Variants in UBP1 observed in about 807,000 individuals in gnomAD.
UBP1 encodes upstream binding protein 1.
A neutral mutation model predicts 76.1 loss-of-function variants in UBP1; 22 were observed. The ratio of observed to expected loss-of-function variants is 0.29; its 90% CI spans 0.21 to 0.41. The LOEUF is 0.41. UBP1 is among the 10% of genes least tolerant of loss of function. The probability of loss-of-function intolerance (pLI) is 1.00; values close to 1 mark genes in which losing one functional copy is unlikely to be tolerated. For synonymous variants in UBP1, 224 were observed against 237.1 expected (o/e 0.94, Z 0.51); for missense variants, 436 against 668.1 (o/e 0.65, Z 3.83).
At chr3:33,426,037 ATAGC>A (rs2045011330) in intron 1 of UBP1, among the ~76,000 whole-genome samples, 1 of 85,690 alleles carries the variant, frequency 1.2e-5, no homozygotes, top group Admixed American at 1.8e-4. Context: ...ATATATATAT[ATAGC>A]ACTTTAAAAA....
intron 1 of UBP1, among the ~76,000 whole-genome samples, chr3:33,433,403 C>T (rs1053465947): frequency 4.7e-5 from 7 of 149,156 alleles, no homozygotes; most frequent in South Asian, 2.1e-4. Context: ...TACCATAGGC[C>T]GGGCACCGTG....
chr3:33,396,472 A>G (rs2044000603), intron 12 of UBP1, 192 bp from the exon 13 acceptor site: 1 of 513,746 alleles, frequency 1.9e-6, no homozygotes, highest in African/African-American at 1.9e-5. Context: ...AGGTGGTCTA[A>G]TATGATGATC....
chr3:33,401,570 T>C (rs2044230032), intron 9 of UBP1, among the ~76,000 whole-genome samples: 3 of 152,176 alleles, frequency 2.0e-5, no homozygotes, highest in Non-Finnish European at 4.4e-5. Context: ...GAAAAACAGC[T>C]CCACAGGGAA....
intron 3 of UBP1, 50 bp from the exon 4 acceptor site, chr3:33,412,877 A>G (rs763944536): frequency 5.9e-6 from 7 of 1,184,962 alleles, no homozygotes; most frequent in Middle Eastern, 1.9e-4. Context: ...TCCAGCTAAA[A>G]TGCAGGACCA....
At chr3:33,405,795 T>C (rs1295981983) in intron 8 of UBP1, among the ~76,000 whole-genome samples, 2 of 152,136 alleles carry the variant, frequency 1.3e-5, no homozygotes, top group Non-Finnish European at 2.9e-5. Context: ...AGTAGGTAAG[T>C]GTCAAGACCA....
chr3:33,430,633 A>T (rs1349854259), intron 1 of UBP1, among the ~76,000 whole-genome samples: 4 of 152,340 alleles, frequency 2.6e-5, no homozygotes, highest in African/African-American at 9.6e-5. Flanking sequence ...TGAAAACTAC[A>T]TATAGAAGAA....
At chr3:33,400,308 A>G in intron 10 of UBP1, 26 bp from the exon 11 acceptor site, 1 of 1,549,482 alleles carries the variant, frequency 6.5e-7, no homozygotes, top group Non-Finnish European at 8.8e-7. Context: ...ATGAACATAA[A>G]TAAAAGGAAC....
intron 8 of UBP1, among the ~76,000 whole-genome samples, chr3:33,406,591 A>C (rs2044433556): frequency 6.6e-6 from 1 of 152,258 alleles, no homozygotes; most frequent in Non-Finnish European, 1.5e-5. Context: ...TGGCAGAGTA[A>C]TGTAGAAACA....
chr3:33,394,222 T>C (rs1341526058), intron 13 of UBP1, among the ~76,000 whole-genome samples: 1 of 146,214 alleles, frequency 6.8e-6, no homozygotes, highest in African/African-American at 2.6e-5. Flanking sequence ...ATTATTATTA[T>C]TATTTGTAGA....
At chr3:33,398,186 T>C (rs1417976403) in intron 11 of UBP1, 2 of 152,364 alleles carry the variant, frequency 1.3e-5, no homozygotes, top group South Asian at 2.1e-4. Flanking sequence ...AAGATGAACT[T>C]TGGGATGAAG....
chr3:33,406,588 G>A (rs2044433433), intron 8 of UBP1, among the ~76,000 whole-genome samples: 1 of 152,214 alleles, frequency 6.6e-6, no homozygotes, highest in Admixed American at 6.5e-5. Flanking sequence ...GCATGGCAGA[G>A]TAATGTAGAA....
intron 13 of UBP1, among the ~76,000 whole-genome samples, chr3:33,395,759 A>G (rs1467552974): frequency 6.6e-6 from 1 of 150,376 alleles, no homozygotes; most frequent in Non-Finnish European, 1.5e-5. Flanking sequence ...TGAAAAAAAA[A>G]AAAAAAAAAA....
rs1404493647 is a variant in UBP1, at chr3:33,389,489, G to C, written c.*842C>G. 1 of 151,182 alleles carries C rather than the reference G, an allele frequency of 6.6e-6. No individual in the cohort carries two copies. The highest frequency in any genetic ancestry group is 1.5e-5 in the Non-Finnish European group (1 of 67,834). The allele number at this position is 151,182 out of a possible 1,614,324, so 9.4% of individuals were successfully genotyped here. A position where few individuals can be genotyped will look rare whatever the true frequency, so the allele number is the denominator to read the frequency against. On this transcript the variant is annotated 3_prime_UTR_variant, in exon 16 of 16. Coordinates refer to ENST00000283629, the MANE Select transcript of UBP1 (RefSeq NM_014517.5). The stretch of plus-strand genomic sequence containing the variant: ...ATGGTGGGGGTGGGGGGTTAGGGTG[G>C]GGGTGGTCAGAGATGGAGGGAGAGA...
chr3:33,413,536 G>A (rs2044647438), intron 3 of UBP1, among the ~76,000 whole-genome samples: 1 of 119,242 alleles, frequency 8.4e-6, no homozygotes, highest in African/African-American at 3.4e-5. Context: ...GACAGAGCGA[G>A]ACTCCATCAC....
At chr3:33,425,815 G>A in intron 1 of UBP1, 74 bp from the exon 2 acceptor site, 1 of 1,356,446 alleles carries the variant, frequency 7.4e-7, no homozygotes, top group Non-Finnish European at 1.0e-6. Flanking sequence ...CATCCTGAAT[G>A]CACCCAATCT....
chr3:33,411,989 C>A (rs998012568), intron 4 of UBP1, among the ~76,000 whole-genome samples: 5 of 151,952 alleles, frequency 3.3e-5, no homozygotes, highest in East Asian at 1.9e-4. Flanking sequence ...GAGTTTGAGA[C>A]CAGCCTGGCG....
intron 2 of UBP1, among the ~76,000 whole-genome samples, chr3:33,423,645 C>T (rs560899858): frequency 2.6e-5 from 4 of 152,234 alleles, no homozygotes; most frequent in Admixed American, 6.5e-5. Context: ...TGTAAAAATT[C>T]ATTAAGATTT....
At chr3:33,395,082 C>T (rs1318251510) in intron 13 of UBP1, among the ~76,000 whole-genome samples, 1 of 152,106 alleles carries the variant, frequency 6.6e-6, no homozygotes, top group Non-Finnish European at 1.5e-5. Flanking sequence ...TAATCTTGGC[C>T]ATATCTAAGT....
Position 33,439,686 on chromosome 3 carries a change from G to A in UBP1, c.113+50C>T, listed in dbSNP as rs761293890. 2.0e-5 allele frequency: 32 copies of A among 1,589,416 alleles called. No homozygotes were observed. In the African/African-American group the frequency reaches 4.2e-4, roughly 21 times the overall value. On this transcript the variant is annotated intron_variant, in intron 1 of 15. Coordinates refer to ENST00000283629, the MANE Select transcript of UBP1 (RefSeq NM_014517.5). ...TCTGGCAGAGACTCAGGGCTGCGCA[G>A]GCCTTCCCCAAGGAGACAGAGGCTT...
Sources: allele counts gnomAD v4.1 joint callset (sites outside exome capture counted in the v4.1 genomes callset), GRCh38; gene constraint gnomAD v4.1.1; transcripts MANE v1.5; gene names NCBI Gene and HGNC (gene_info 2026-07-23, HGNC 2026-07-21).